Variants in IPPK observed in about 807,000 individuals in gnomAD.
The protein encoded by IPPK is inositol-pentakisphosphate 2-kinase, also known as IPK1 homolog.
Under a neutral mutation model 64.6 loss-of-function variants are expected in IPPK, and 22 were observed. That is an observed-to-expected ratio of 0.34 (90% CI 0.24 to 0.49). The LOEUF (loss-of-function observed/expected upper bound fraction) is 0.49. Ranked by LOEUF, IPPK falls within the 20% of genes least tolerant of loss-of-function variation. The probability of loss-of-function intolerance (pLI) is 0.99; values close to 1 mark genes in which losing one functional copy is unlikely to be tolerated. For synonymous variants in IPPK, 262 were observed against 247.2 expected (o/e 1.06, Z -0.56); for missense variants, 532 against 630.7 (o/e 0.84, Z 1.68).
chr9:92,625,031 G>T (rs1851710113), intron 11 of IPPK, among the ~76,000 whole-genome samples: 2 of 152,178 alleles, frequency 1.3e-5, no homozygotes, highest in Non-Finnish European at 2.9e-5. Flanking sequence ...GGAGGAAGGA[G>T]AAAGGTCTGG....
rs1439501030 is a variant in IPPK, at chr9:92,635,051, A to ATGC, written c.1067+104_1067+106dup. ...AGGACTGGGGTAGGAAGTGGCCGGCATGCTTCATCCTCCTGGGAAGCTGTG... is the reference window on the plus strand; with the variant it reads ...AGGACTGGGGTAGGAAGTGGCCGGCATGCTGCTTCATCCTCCTGGGAAGCTGTG... On this transcript the variant is annotated intron_variant, in intron 10 of 12. Transcript: ENST00000287996. The surrounding 1 kb of genome is among the most constrained non-coding windows in gnomAD (Gnocchi z 4.4). 4 of 1,135,028 alleles carry ATGC rather than the reference A, an allele frequency of 3.5e-6. No individual in the cohort carries two copies. The highest frequency in any genetic ancestry group is 5.0e-6 in the Non-Finnish European group (4 of 801,662). The allele number at this position is 1,135,028 out of a possible 1,614,324, so 70.3% of individuals were successfully genotyped here.
chr9:92,619,177 A>G (rs1851542451), intron 12 of IPPK: 4 of 296,656 alleles, frequency 1.3e-5, no homozygotes, highest in Non-Finnish European at 2.6e-5. Flanking sequence ...TCTTTGAGGG[A>G]ATGCAATGGG....
At chr9:92,650,321 C>T (rs1409211470) in intron 4 of IPPK, among the ~76,000 whole-genome samples, 1 of 149,570 alleles carries the variant, frequency 6.7e-6, no homozygotes, top group Non-Finnish European at 1.5e-5. Context: ...AGCAAGACTC[C>T]ATCTCAAAAA....
Position 92,625,084 on chromosome 9 carries a change from T to C in IPPK, c.1171-5519A>G, listed in dbSNP as rs1851710639. Among the ~76,000 whole-genome samples, 3 of 152,238 alleles carry C rather than the reference T, an allele frequency of 2.0e-5. No individual in the cohort carries two copies. The South Asian group carries it at 6.2e-4, about 31-fold the overall frequency. ...AATTCTGATTGCTGCCAGTGTTCCATGTCCAAATATAAGTGGTGGTTCCAT... is the reference window on the plus strand; with the variant it reads ...AATTCTGATTGCTGCCAGTGTTCCACGTCCAAATATAAGTGGTGGTTCCAT... On this transcript the variant is annotated intron_variant, in intron 11 of 12. Coordinates refer to ENST00000287996, the MANE Select transcript of IPPK (RefSeq NM_022755.6).
chr9:92,624,914 A>C (rs572187090), intron 11 of IPPK, among the ~76,000 whole-genome samples: 79 of 152,308 alleles, frequency 5.2e-4, no homozygotes, highest in East Asian at 1.2e-3. Flanking sequence ...CTAAAAAAAA[A>C]AAACAAACAG....
chr9:92,619,351 A>G, intron 12 of IPPK, 135 bp downstream of exon 12: 1 of 689,844 alleles, frequency 1.4e-6, no homozygotes, highest in Non-Finnish European at 2.6e-6. Context: ...ATGATGTCAC[A>G]TAGGCCAAGG....
rs189229493 is a variant in IPPK at position 92,629,949 on chromosome 9, G to A, written c.1170+4437C>T. Among the ~76,000 whole-genome samples, 478 of 152,210 alleles carry A rather than the reference G, an allele frequency of 3.1e-3. 3 individuals are homozygous for A. The highest frequency in any genetic ancestry group is 0.011 in the African/African-American group (442 of 41,520). ...TTCATACACTGCTGGTGGGAAGATCGAACCGTACAGCAATTTTGGAAAAGT... is the reference window on the plus strand; with the variant it reads ...TTCATACACTGCTGGTGGGAAGATCAAACCGTACAGCAATTTTGGAAAAGT... On this transcript the variant is annotated intron_variant, in intron 11 of 12. Transcript: ENST00000287996.
rs776482285 is a variant in IPPK at position 92,649,619 on chromosome 9, A to C, written c.293-45T>G. The C allele has an allele frequency of 2.5e-6, 4 of 1,608,930 alleles. No homozygotes were observed. The South Asian group carries it at 3.3e-5, about 13-fold the overall frequency. On this transcript the variant is annotated intron_variant, in intron 4 of 12. Transcript: ENST00000287996. ...TCACACAGAGCAAGGTCAGTGAGAG[A>C]GATGAGATGATCCCTGCCCAAAACA... is the stretch of plus-strand genomic sequence containing the variant.
chr9:92,640,395 C>T (rs1852023379), intron 8 of IPPK, among the ~76,000 whole-genome samples: 2 of 151,564 alleles, frequency 1.3e-5, no homozygotes, highest in Non-Finnish European at 2.9e-5. Context: ...CACAGTTCAC[C>T]CATCTGCTTA....
At chr9:92,659,810 G>A (rs925819759) in intron 1 of IPPK, among the ~76,000 whole-genome samples, 2 of 152,088 alleles carry the variant, frequency 1.3e-5, no homozygotes, top group Admixed American at 6.5e-5. Flanking sequence ...AATGTACGTC[G>A]TTGCTCTTAA....
intron 11 of IPPK, among the ~76,000 whole-genome samples, chr9:92,625,442 C>T (rs1159873849): frequency 3.9e-5 from 6 of 152,114 alleles, no homozygotes; most frequent in Non-Finnish European, 5.9e-5. Context: ...TGAATGTCAA[C>T]GTTATTTTTA....
intron 11 of IPPK, among the ~76,000 whole-genome samples, chr9:92,632,728 C>T (rs1851867743): frequency 6.6e-6 from 1 of 152,172 alleles, no homozygotes; most frequent in South Asian, 2.1e-4. Context: ...TCCCTGTGGC[C>T]CTTTGCGTCA....
At chr9:92,616,099 A>C in intron 12 of IPPK, 42 bp from the exon 13 acceptor site, 1 of 1,387,562 alleles carries the variant, frequency 7.2e-7, no homozygotes, top group Non-Finnish European at 1.0e-6. Context: ...CAAGCCCCCC[A>C]TTCATTTCCC....
chr9:92,641,073 C>T (rs1299386752), intron 7 of IPPK, among the ~76,000 whole-genome samples: 1 of 152,210 alleles, frequency 6.6e-6, no homozygotes, highest in Non-Finnish European at 1.5e-5. Context: ...CCAACTGAGG[C>T]ACAGGAGTGG....
At chr9:92,640,330 T>C (rs1209994906) in intron 8 of IPPK, among the ~76,000 whole-genome samples, 1 of 70,792 alleles carries the variant, frequency 1.4e-5, no homozygotes, top group Non-Finnish European at 2.6e-5. Flanking sequence ...TGGACACCAC[T>C]GCCAGCAGCA....
At chr9:92,625,707 A>C (rs1340179065) in intron 11 of IPPK, among the ~76,000 whole-genome samples, 1 of 152,214 alleles carries the variant, frequency 6.6e-6, no homozygotes, top group Non-Finnish European at 1.5e-5. Context: ...CCTACAGTCC[A>C]GTGCCACTAT....
Position 92,634,424 on chromosome 9 carries a change from T to G in IPPK, c.1132A>C (p.Thr378Pro). The part of the protein sequence containing the change: ...AFYQKLLDLS[T>P]EDDGTVAFAL... ...AAGGCCACTGTCCCGTCATCCTCAG[T>G]GGAAAGGTCAAGCAGCTTCTGGTAA... The change falls in exon 11 of 13, where the codon ACT (threonine) becomes CCT (proline). Residue 378 changes from threonine (T) to proline (P), a missense_variant. Thr to Pro is a conservative substitution (Grantham distance 38, BLOSUM62 -1). Transcript: ENST00000287996. The G allele has an allele frequency of 6.2e-7, 1 of 1,614,082 alleles. No homozygotes were observed. Among genetic ancestry groups the G allele is most frequent in the South Asian group, 1.1e-5 (1 of 91,086 alleles).
chr9:92,616,159 T>G, intron 12 of IPPK, 102 bp from the exon 13 acceptor site: 6 of 810,704 alleles, frequency 7.4e-6, no homozygotes, highest in Non-Finnish European at 1.2e-5. Context: ...TGTTTTTATG[T>G]TTTTTCTTTG....
At chr9:92,656,399 T>C (rs1852373890) in intron 3 of IPPK, 57 bp downstream of exon 3, 3 of 1,060,800 alleles carry the variant, frequency 2.8e-6, no homozygotes, top group Non-Finnish European at 4.4e-6. Flanking sequence ...ACCGGGAAAT[T>C]GGCAGTGTTG....
Sources: gnomAD v4.1 joint callset for allele counts (sites outside exome capture counted in the v4.1 genomes callset) on GRCh38, gnomAD v4.1.1 for gene constraint, Gnocchi (gnomAD v3.1) non-coding constraint, MANE v1.5 for transcripts, NCBI Gene and HGNC (gene_info 2026-07-23, HGNC 2026-07-21) for gene names.